FREM1: variants seen among roughly 807,000 people sequenced by gnomAD.
The protein encoded by FREM1 is FRAS1 related extracellular matrix 1.
FREM1 carries 220 observed loss-of-function variants against 210.1 expected under a neutral mutation model. The ratio of observed to expected loss-of-function variants is 1.05; its 90% CI spans 0.94 to 1.17. The LOEUF is 1.17. Among genes scored for constraint, FREM1 ranks in the 50% most tolerant of loss-of-function variants. The probability of loss-of-function intolerance (pLI) is 0.00; values close to 1 mark genes in which losing one functional copy is unlikely to be tolerated. For missense variants in FREM1, 3,454 were observed against 2,675.5 expected, an observed-to-expected ratio of 1.29 and a Z score of -6.42; for synonymous variants, 1,189 against 980.2, an observed-to-expected ratio of 1.21 and a Z score of -3.98.
chr9:14,812,634 A>C (rs1243031461), intron 16 of FREM1, among the ~76,000 whole-genome samples, 178 bp downstream of exon 16: 2 of 152,144 alleles, frequency 1.3e-5, no homozygotes, highest in South Asian at 2.1e-4. Context: ...ATAATAACAC[A>C]ATCAGAAATA....
chr9:14,787,217 A>C (rs1306898031), intron 23 of FREM1, among the ~76,000 whole-genome samples: 1 of 152,202 alleles, frequency 6.6e-6, no homozygotes, highest in Non-Finnish European at 1.5e-5. Context: ...ATAAACAATT[A>C]TGGCTACAAA....
intron 1 of FREM1, among the ~76,000 whole-genome samples, chr9:14,897,193 C>G (rs1199711191): frequency 6.6e-6 from 1 of 152,168 alleles, no homozygotes; most frequent in Non-Finnish European, 1.5e-5. Flanking sequence ...TCACTTTGTA[C>G]CTGGCACTGT....
chr9:14,812,138 G>C (rs1819515549), intron 16 of FREM1, among the ~76,000 whole-genome samples: 1 of 152,108 alleles, frequency 6.6e-6, no homozygotes. Context: ...TCATAGCAGG[G>C]TCTAGGTCAT....
At chr9:14,800,993 T>G (rs1563959174) in intron 20 of FREM1, among the ~76,000 whole-genome samples, 1 of 152,120 alleles carries the variant, frequency 6.6e-6, no homozygotes, top group African/African-American at 2.4e-5. Context: ...TATTTTGGTT[T>G]TTGTTTGTTT....
chr9:14,844,225 C>CTTTTTTTTTTTT (rs35686371), intron 8 of FREM1, among the ~76,000 whole-genome samples: 1 of 138,784 alleles, frequency 7.2e-6, no homozygotes. Flanking sequence ...ACAACTCTTC[C>CTTTTTTTTTTTT]TTTTTTTTTT....
intron 35 of FREM1, among the ~76,000 whole-genome samples, chr9:14,741,188 T>C (rs1034003067): frequency 1.8e-4 from 27 of 152,190 alleles, no homozygotes; most frequent in African/African-American, 6.3e-4. Flanking sequence ...TTAATATCCA[T>C]TGATATGAAA....
chr9:14,812,893 C>T lies in FREM1; in HGVS notation c.2812G>A (p.Val938Met). 3 of 1,613,842 alleles carry T rather than the reference C, an allele frequency of 1.9e-6. No individual in the cohort carries two copies. The highest frequency in any genetic ancestry group is 1.1e-5 in the South Asian group (1 of 91,066). Residue 938 changes from valine to methionine, a missense_variant, in exon 16 of 37, where the codon GTG becomes ATG. Val to Met is a conservative substitution (Grantham distance 21). Coordinates refer to ENST00000380880, the MANE Select transcript of FREM1 (RefSeq NM_001379081.2). ...ACTGTGACTCCAGCTCTCCTCACCA[C>T]CCCATGCTGAGGTTCGCGAGCAATC... is the stretch of plus-strand genomic sequence containing the variant. ...FVIAREPQHG[V>M]VRRAGVTVDQ...
intron 1 of FREM1, among the ~76,000 whole-genome samples, chr9:14,903,371 T>C (rs1204304280): frequency 6.6e-6 from 1 of 152,228 alleles, no homozygotes; most frequent in African/African-American, 2.4e-5. Flanking sequence ...TAATTTGAAA[T>C]GGATGGTTGA....
At chr9:14,890,870 T>C (rs575866419) in intron 1 of FREM1, among the ~76,000 whole-genome samples, 2 of 152,332 alleles carry the variant, frequency 1.3e-5, no homozygotes, top group African/African-American at 2.4e-5. Flanking sequence ...TCAAAAACAT[T>C]TCCCTGAAGA....
Position 14,747,393 on chromosome 9 carries a change from GTCATCCTCCAGTTTCAAGGAAACTA to G in FREM1, c.5855_5879del (p.Ile1952ThrfsTer58). On this transcript the variant is annotated frameshift_variant, in exon 33 of 37. Coordinates refer to ENST00000380880, the MANE Select transcript of FREM1 (RefSeq NM_001379081.2). LOFTEE classifies it high-confidence loss of function. ...CCTTCCTTTTGTGAGTTGGGAAACT[GTCATCCTCCAGTTTCAAGGAAACTA>G]TCCCATGATACTTGAGGAAACCAAC... The G allele has an allele frequency of 6.2e-7, 1 of 1,613,574 alleles. No homozygotes were observed. The highest frequency in any genetic ancestry group is 8.5e-7 in the Non-Finnish European group (1 of 1,179,696).
chr9:14,855,249 G>A (rs113712724), intron 5 of FREM1, among the ~76,000 whole-genome samples: 18 of 152,086 alleles, frequency 1.2e-4, no homozygotes, highest in African/African-American at 3.1e-4. Flanking sequence ...AATTGTATAC[G>A]TTATATCCTT....
chr9:14,848,544 G>C (rs534822743), intron 7 of FREM1, 121 bp downstream of exon 7: 5 of 478,252 alleles, frequency 1.0e-5, no homozygotes, highest in African/African-American at 1.9e-5. Flanking sequence ...CCCTTAATCT[G>C]TCTGGGTTTC....
intron 1 of FREM1, among the ~76,000 whole-genome samples, chr9:14,897,311 A>G (rs1045579509): frequency 6.6e-6 from 1 of 152,188 alleles, no homozygotes; most frequent in Non-Finnish European, 1.5e-5. Context: ...AATTCTCTTA[A>G]CTAAAGTACC....
intron 22 of FREM1, among the ~76,000 whole-genome samples, chr9:14,789,537 T>G (rs1425622451): frequency 6.6e-6 from 1 of 152,208 alleles, no homozygotes; most frequent in African/African-American, 2.4e-5. Context: ...AATATACTTT[T>G]TTTCAACATG....
In FREM1 at chr9:14,756,400, G is replaced by A; in HGVS notation, c.5381C>T (p.Pro1794Leu). 6.2e-7 allele frequency: 1 copy of A among 1,601,782 alleles called. No individual in the cohort carries two copies. The highest frequency in any genetic ancestry group is 8.5e-7 in the Non-Finnish European group (1 of 1,173,854). ...TGGGTCAAACTGAATCAGTTTAGAT[G>A]GAATCACGGTGAAATCTTTTCCAAC... ...AAVGKDFTVI[P>L]SKLIQFDPGM... is the part of the protein sequence containing the mutation. Residue 1794 changes from proline to leucine, a missense_variant, in exon 29 of 37, where the codon CCA (proline) becomes CTA (leucine). By Grantham distance (98) the Pro-to-Leu change is moderately conservative. Transcript: ENST00000380880.
At position 14,770,774 on chromosome 9, in the gene FREM1, G is replaced by A. The variant is rs758044230; in HGVS notation, c.4890C>T (p.Ile1630=). Residue 1630 remains isoleucine (I), a synonymous_variant, in exon 26 of 37, where the codon ATC becomes ATT. Transcript: ENST00000380880. ...CTTGAGAAGGGGAATGCAAGAGTGT[G>A]ATACGAGGAGCTGTTTTGTCCAATT... ...VDQLDKTAPR[I]TLLHSPSQVG... The A allele has an allele frequency of 2.6e-5, 42 of 1,613,046 alleles. No individual in the cohort carries two copies. Among genetic ancestry groups the A allele is most frequent in the Non-Finnish European group, 3.6e-5 (42 of 1,179,456 alleles).
At chr9:14,780,330 C>G (rs1040816563) in intron 24 of FREM1, among the ~76,000 whole-genome samples, 8 of 151,142 alleles carry the variant, frequency 5.3e-5, no homozygotes, top group Non-Finnish European at 8.8e-5. Flanking sequence ...ACGGTGCTTT[C>G]AAGCTTTCTG....
At position 14,784,563 on chromosome 9, in the gene FREM1, G is replaced by C; in HGVS notation, c.4249C>G (p.Leu1417Val). The C allele has an allele frequency of 3.1e-6, 5 of 1,612,746 alleles. No individual in the cohort carries two copies. The highest frequency in any genetic ancestry group is 4.2e-6 in the Non-Finnish European group (5 of 1,179,286). Residue 1417 changes from leucine to valine, a missense_variant, in exon 24 of 37, where the codon CTC becomes GTC. Leu to Val is a conservative substitution (Grantham distance 32). Transcript: ENST00000380880. ...GDRGFLTTTT[L>V]LAVDGTDKPE... ...TTGTCTGTTCCGTCCACAGCCAGGA[G>C]CGTGGTGGTTGTTAAGAAACCTCTA...
In FREM1 at chr9:14,845,975, A is replaced by T; in HGVS notation, c.1378T>A (p.Trp460Arg). ...LVTVGGLQHG[W>R]LTLRGGKGFL... ...GATCATTCACCTCTTAAAGTCAGCC[A>T]TCCATGCTGCAGGCCACCAACGGTG... Residue 460 changes from tryptophan to arginine, a missense_variant, in exon 8 of 37, where the codon TGG (tryptophan) becomes AGG (arginine). Coordinates refer to ENST00000380880, the MANE Select transcript of FREM1 (RefSeq NM_001379081.2). The T allele has an allele frequency of 6.2e-7, 1 of 1,613,648 alleles. No homozygotes were observed. Among genetic ancestry groups the T allele is most frequent in the East Asian group, 2.2e-5 (1 of 44,842 alleles).
Sources: gnomAD v4.1 joint callset for allele counts (sites outside exome capture counted in the v4.1 genomes callset) on GRCh38, gnomAD v4.1.1 for gene constraint, MANE v1.5 for transcripts, NCBI Gene and HGNC (gene_info 2026-07-23, HGNC 2026-07-21) for gene names.